The following DCC variants were observed in gnomAD, a reference collection of about 807,000 sequenced individuals.
The protein encoded by DCC is netrin receptor DCC.
A neutral mutation model predicts 172.5 loss-of-function variants in DCC; 58 were observed. The ratio of observed to expected loss-of-function variants is 0.34; its 90% CI spans 0.27 to 0.42. The LOEUF is 0.42. Ranked by LOEUF, DCC falls within the 10% of genes least tolerant of loss-of-function variation. DCC has a pLI of 1.00. For missense variants in DCC, 1,740 were observed against 1,791.0 expected (o/e 0.97, Z 0.51); for synonymous variants, 709 against 644.5 (o/e 1.10, Z -1.52).
intron 1 of DCC, among the ~76,000 whole-genome samples, chr18:52,474,959 C>T (rs1380721226): frequency 1.3e-5 from 2 of 152,166 alleles, no homozygotes; most frequent in Non-Finnish European, 2.9e-5. Context: ...GAAAGTAAAT[C>T]ACTCCTCTGA....
chr18:52,360,484 A>G (rs1984570930), intron 1 of DCC, among the ~76,000 whole-genome samples: 1 of 152,248 alleles, frequency 6.6e-6, no homozygotes, highest in Non-Finnish European at 1.5e-5. Context: ...AATTAGGCCA[A>G]CAAAGTGCTG....
chr18:53,024,335 C>T (rs2041925988), intron 5 of DCC, among the ~76,000 whole-genome samples: 1 of 152,092 alleles, frequency 6.6e-6, no homozygotes, highest in Admixed American at 6.6e-5. Context: ...TAATCTTAGG[C>T]AGGCCAATTC....
intron 1 of DCC, among the ~76,000 whole-genome samples, chr18:52,707,022 G>A (rs1251582733): frequency 1.3e-5 from 2 of 152,136 alleles, no homozygotes; most frequent in Admixed American, 6.5e-5. Flanking sequence ...AGGGATTAGG[G>A]TCCCATGAAC....
In DCC at chr18:53,515,963, T is replaced by C. The variant is rs578140014; in HGVS notation, c.4112-10654T>C. Among the ~76,000 whole-genome samples the C allele has an allele frequency of 1.1e-3, 171 of 151,652 alleles. 2 individuals carry two copies. The highest frequency in any genetic ancestry group is 4.0e-3 in the Admixed American group (61 of 15,260). On this transcript the variant is annotated intron_variant, in intron 27 of 28. Transcript: ENST00000442544. ...GGAAAAATCTACTTTAAAGTTCATA[T>C]GGAACCAAAAAAGAGCCCGCATCAC...
chr18:52,657,453 G>A (rs2035278282), intron 1 of DCC, among the ~76,000 whole-genome samples: 1 of 152,188 alleles, frequency 6.6e-6, no homozygotes, highest in Non-Finnish European at 1.5e-5. Flanking sequence ...CCTAAGTGCA[G>A]GTGATCACTG....
intron 5 of DCC, among the ~76,000 whole-genome samples, chr18:53,035,160 C>CTGTGTGTG (rs56806063): frequency 0.023 from 3,417 of 148,998 alleles, 145 homozygotes; most frequent in African/African-American, 0.079. Context: ...AAACATTTAT[C>CTGTGTGTG]TGTGTGTGTG....
intron 2 of DCC, among the ~76,000 whole-genome samples, chr18:52,840,629 G>T (rs2038787282): frequency 6.6e-6 from 1 of 152,090 alleles, no homozygotes; most frequent in African/African-American, 2.4e-5. Flanking sequence ...TCATCAGATT[G>T]GTTCTTGGGA....
rs2055606000 is a variant in DCC at position 53,205,224 on chromosome 18, C to T, written c.1582C>T (p.Pro528Ser). ...KVATQPELQV[P>S]GPVENLQAVS... ...ATTATTTTTTTATACAGTGCAAGTTCCAGGGCCAGTAGAAAACCTGCAAGC... is the reference window on the plus strand; with the variant it reads ...ATTATTTTTTTATACAGTGCAAGTTTCAGGGCCAGTAGAAAACCTGCAAGC... Residue 528 changes from proline (P) to serine (S), a missense_variant, in exon 10 of 29, where the codon CCA becomes TCA. Coordinates refer to ENST00000442544, the MANE Select transcript of DCC (RefSeq NM_005215.4). 6.2e-7 allele frequency: 1 copy of T among 1,612,784 alleles called. No homozygotes were observed. The highest frequency in any genetic ancestry group is 2.2e-5 in the East Asian group (1 of 44,866).
intron 1 of DCC, among the ~76,000 whole-genome samples, chr18:52,510,825 C>CAA (rs2031410473): frequency 5.3e-5 from 8 of 152,164 alleles, no homozygotes; most frequent in African/African-American, 1.9e-4. Flanking sequence ...CAGAGATAAT[C>CAA]ACCTATTGTA....
intron 1 of DCC, among the ~76,000 whole-genome samples, chr18:52,697,996 G>T (rs926083844): frequency 7.8e-4 from 118 of 152,134 alleles, no homozygotes; most frequent in African/African-American, 2.8e-3. Context: ...TCAGCTCTGT[G>T]AAACTGAATC....
At chr18:53,081,498 T>C (rs987497768) in intron 7 of DCC, among the ~76,000 whole-genome samples, 1 of 151,928 alleles carries the variant, frequency 6.6e-6, no homozygotes, top group Non-Finnish European at 1.5e-5. Flanking sequence ...TAATGTCTTA[T>C]CTTTGAGTGA....
intron 15 of DCC, among the ~76,000 whole-genome samples, chr18:53,351,336 T>TGTATATATATATACA (rs2057796987): frequency 2.2e-4 from 2 of 9,200 alleles, no homozygotes; most frequent in Middle Eastern, 0.05. Flanking sequence ...ATATATACAG[T>TGTATATATATATACA]GTATATATAT....
intron 2 of DCC, among the ~76,000 whole-genome samples, chr18:52,819,758 G>A (rs1034110526): frequency 3.9e-4 from 58 of 150,268 alleles, no homozygotes; most frequent in African/African-American, 1.3e-3. Context: ...TTGCTCTGTC[G>A]CCCAGGCTGG....
intron 12 of DCC, among the ~76,000 whole-genome samples, chr18:53,281,221 CTT>C (rs1460032279): frequency 2.6e-5 from 4 of 152,052 alleles, no homozygotes; most frequent in African/African-American, 9.7e-5. Context: ...TTGCCATCAA[CTT>C]TCCATTTTTT....
At chr18:53,512,771 A>AAAAG (rs1486077654) in intron 27 of DCC, among the ~76,000 whole-genome samples, 4 of 148,786 alleles carry the variant, frequency 2.7e-5, no homozygotes, top group Admixed American at 6.6e-5. Flanking sequence ...AAAAAGAATA[A>AAAAG]AAAGAAATTA....
chr18:52,393,497 C>T (rs904221661), intron 1 of DCC, among the ~76,000 whole-genome samples: 1 of 151,988 alleles, frequency 6.6e-6, no homozygotes, highest in Non-Finnish European at 1.5e-5. Context: ...CATGAATAAT[C>T]ACAACAAAGT....
rs2057191005 is a variant in DCC, at chr18:53,305,634, CG to C, written c.1970del (p.Gly657AlafsTer43). The C allele has an allele frequency of 6.2e-7, 1 of 1,613,370 alleles. No individual in the cohort carries two copies. The highest frequency in any genetic ancestry group is 1.7e-5 in the Admixed American group (1 of 59,976). On this transcript the variant is annotated frameshift_variant, in exon 13 of 29. Transcript: ENST00000442544. LOFTEE classifies it high-confidence loss of function. ...CAGGAACACAAAATGGATTTATTAC[CG>C]GCTATAAAATTCGACACAGAAAGAC... ...PSGTQNGFIT[G>X]YKIRHRKTTR...
intron 22 of DCC, among the ~76,000 whole-genome samples, chr18:53,438,931 T>C (rs1394218297): frequency 3.3e-5 from 5 of 152,244 alleles, no homozygotes; most frequent in Non-Finnish European, 7.3e-5. Flanking sequence ...TGAAGCAGTT[T>C]AGATGCGTTA....
chr18:53,409,688 A>T (rs1337108393), intron 19 of DCC, among the ~76,000 whole-genome samples: 2 of 152,210 alleles, frequency 1.3e-5, no homozygotes, highest in African/African-American at 4.8e-5. Context: ...AGTACACACA[A>T]CTAGCACTCA....
Sources: allele counts gnomAD v4.1 joint callset (sites outside exome capture counted in the v4.1 genomes callset), GRCh38; gene constraint gnomAD v4.1.1; transcripts MANE v1.5; gene names NCBI Gene and HGNC (gene_info 2026-07-23, HGNC 2026-07-21).